Variants in ARHGAP10 observed in about 807,000 individuals in gnomAD.
ARHGAP10 encodes Rho GTPase activating protein 10, also known as rho GTPase-activating protein 10.
Under a neutral mutation model 108.6 loss-of-function variants are expected in ARHGAP10, and 87 were observed. That is an observed-to-expected ratio of 0.80 (90% CI 0.67 to 0.96). ARHGAP10 has a LOEUF of 0.96. Among genes scored for constraint, ARHGAP10 ranks in the 40% least tolerant of loss-of-function variants. The pLI, the probability that ARHGAP10 is intolerant of heterozygous loss-of-function variation, is 0.00. For missense variants in ARHGAP10, 939 were observed against 954.5 expected (o/e 0.98, Z 0.21); for synonymous variants, 347 against 341.1 (o/e 1.02, Z -0.19).
At position 147,913,156 on chromosome 4, in the gene ARHGAP10, A is replaced by T; in HGVS notation, c.1228+17A>T. 2 of 1,605,150 alleles carry T rather than the reference A, an allele frequency of 1.2e-6. No individual in the cohort carries two copies. Among genetic ancestry groups the T allele is most frequent in the South Asian group, 2.2e-5 (2 of 90,866 alleles). On this transcript the variant is annotated intron_variant, in intron 13 of 22. Coordinates refer to ENST00000336498, the MANE Select transcript of ARHGAP10 (RefSeq NM_024605.4). ...AAACACGAGGTAATATGATTGAATC[A>T]TTTCATTCATGAGAGGCTATAGGTA...
chr4:147,800,670 A>G (rs1052184485), intron 1 of ARHGAP10, among the ~76,000 whole-genome samples: 1 of 152,126 alleles, frequency 6.6e-6, no homozygotes, highest in African/African-American at 2.4e-5. Flanking sequence ...GGGGTCACAA[A>G]CTGGTTTGTT....
intron 14 of ARHGAP10, among the ~76,000 whole-genome samples, chr4:147,942,954 G>C (rs889822539): frequency 6.6e-6 from 1 of 152,242 alleles, no homozygotes; most frequent in Non-Finnish European, 1.5e-5. Context: ...AGGGCGCACA[G>C]ATTTGGTAGA....
chr4:147,831,007 CT>C (rs1410099527), intron 3 of ARHGAP10, among the ~76,000 whole-genome samples: 3 of 152,240 alleles, frequency 2.0e-5, no homozygotes, highest in African/African-American at 7.2e-5. Context: ...TCCAGCATCA[CT>C]TTAGGAACGT....
chr4:147,993,106 T>C (rs1388047189), intron 18 of ARHGAP10, among the ~76,000 whole-genome samples: 1 of 152,276 alleles, frequency 6.6e-6, no homozygotes. Context: ...CTTTTGCTTT[T>C]GTTTATATCT....
At chr4:148,018,418 A>G (rs955613453) in intron 18 of ARHGAP10, among the ~76,000 whole-genome samples, 3 of 152,186 alleles carry the variant, frequency 2.0e-5, no homozygotes, top group African/African-American at 7.2e-5. Context: ...GATAAGCTAC[A>G]TTTTATCTTC....
intron 18 of ARHGAP10, among the ~76,000 whole-genome samples, chr4:147,980,060 T>C (rs990802983): frequency 1.2e-4 from 19 of 152,162 alleles, no homozygotes; most frequent in African/African-American, 4.1e-4. Context: ...TGGGTAGGAC[T>C]TCTAGTATGT....
At chr4:147,987,287 C>G (rs1445813995) in intron 18 of ARHGAP10, among the ~76,000 whole-genome samples, 4 of 152,152 alleles carry the variant, frequency 2.6e-5, no homozygotes, top group Admixed American at 1.3e-4. Flanking sequence ...ATCATATAGC[C>G]ATTTACATCA....
At chr4:148,042,610 T>C (rs1368868333) in intron 19 of ARHGAP10, among the ~76,000 whole-genome samples, 2 of 152,348 alleles carry the variant, frequency 1.3e-5, no homozygotes, top group African/African-American at 4.8e-5. Flanking sequence ...CTGGTAACTC[T>C]GAAAACTCCT....
chr4:147,877,819 C>CTTTT lies in ARHGAP10; in HGVS notation c.833-1401_833-1398dup, dbSNP rs549355620. Among the ~76,000 whole-genome samples the CTTTT allele has an allele frequency of 1.6e-3, 204 of 131,466 alleles. 4 individuals are homozygous for CTTTT. Among genetic ancestry groups the CTTTT allele is most frequent in the African/African-American group, 5.7e-3 (181 of 31,808 alleles). 86.2% of individuals were successfully genotyped at this position (131,466 alleles called of 152,430 possible). A position where few individuals can be genotyped will look rare whatever the true frequency, so the allele number is the denominator to read the frequency against. On this transcript the variant is annotated intron_variant, in intron 8 of 22. Coordinates refer to ENST00000336498, the MANE Select transcript of ARHGAP10 (RefSeq NM_024605.4). ...AGTCTTAGATTTCTTATTCTTCATA[C>CTTTT]TTTTTTTTTTTTTTTGCTGAGATTA... is the stretch of plus-strand genomic sequence containing the variant.
intron 11 of ARHGAP10, among the ~76,000 whole-genome samples, chr4:147,909,365 T>A (rs1338359044): frequency 6.6e-6 from 1 of 152,142 alleles, no homozygotes; most frequent in East Asian, 1.9e-4. Flanking sequence ...AATTGCCAGC[T>A]CACTGCTGAA....
At chr4:147,992,391 C>T (rs1324645778) in intron 18 of ARHGAP10, among the ~76,000 whole-genome samples, 2 of 152,052 alleles carry the variant, frequency 1.3e-5, no homozygotes, top group Non-Finnish European at 2.9e-5. Context: ...CTCTAAAAAG[C>T]GTTTTATTTT....
At chr4:147,834,406 C>G (rs1733080087) in intron 3 of ARHGAP10, among the ~76,000 whole-genome samples, 1 of 152,074 alleles carries the variant, frequency 6.6e-6, no homozygotes, top group South Asian at 2.1e-4. Context: ...GAGGTTGAGG[C>G]TGCAGAGAGC....
chr4:147,770,939 G>A (rs1307946456), intron 1 of ARHGAP10, among the ~76,000 whole-genome samples: 2 of 152,160 alleles, frequency 1.3e-5, no homozygotes, highest in Non-Finnish European at 2.9e-5. Flanking sequence ...TGGCTTGTAG[G>A]TGGCTCTTGT....
intron 13 of ARHGAP10, among the ~76,000 whole-genome samples, chr4:147,931,799 T>C (rs1434109692): frequency 6.6e-6 from 1 of 152,134 alleles, no homozygotes; most frequent in Non-Finnish European, 1.5e-5. Context: ...CCAAAAGCAA[T>C]TGCAACAAAA....
chr4:147,878,059 C>T (rs1411264496), intron 8 of ARHGAP10, among the ~76,000 whole-genome samples: 1 of 152,032 alleles, frequency 6.6e-6, no homozygotes, highest in South Asian at 2.1e-4. Flanking sequence ...GCCGCACCCT[C>T]CCCAGTAGCT....
intron 7 of ARHGAP10, among the ~76,000 whole-genome samples, chr4:147,871,005 G>A (rs1734799209): frequency 6.6e-6 from 1 of 150,424 alleles, no homozygotes; most frequent in South Asian, 2.1e-4. Context: ...TGTTGCCCAG[G>A]CTGGAGTGCT....
chr4:147,917,666 A>G (rs113218905), intron 13 of ARHGAP10, among the ~76,000 whole-genome samples: 56 of 152,344 alleles, frequency 3.7e-4, no homozygotes, highest in African/African-American at 1.3e-3. Flanking sequence ...ATCTTATTCT[A>G]GATTAGGTTG....
At chr4:147,996,545 A>G (rs1724755239) in intron 18 of ARHGAP10, among the ~76,000 whole-genome samples, 1 of 152,178 alleles carries the variant, frequency 6.6e-6, no homozygotes, top group South Asian at 2.1e-4. Context: ...TTCTGTTGGA[A>G]TCGTGTACAG....
chr4:147,898,145 A>G (rs548846437), intron 10 of ARHGAP10, among the ~76,000 whole-genome samples: 3 of 151,380 alleles, frequency 2.0e-5, no homozygotes, highest in South Asian at 2.1e-4. Context: ...CTGGGTTTTT[A>G]TCTTGTTCCA....
Sources: allele counts gnomAD v4.1 joint callset (sites outside exome capture counted in the v4.1 genomes callset), GRCh38; gene constraint gnomAD v4.1.1; transcripts MANE v1.5; gene names NCBI Gene and HGNC (gene_info 2026-07-23, HGNC 2026-07-21).